Variants in CNTLN observed in about 807,000 individuals in gnomAD.
CNTLN encodes centlein, centrosomal protein.
In CNTLN, 212 loss-of-function variants were observed where a neutral mutation model predicts 180.0. The observed-to-expected ratio is 1.18, with a 90% CI of 1.05 to 1.32. The LOEUF (loss-of-function observed/expected upper bound fraction) is 1.32, where lower values mean the gene tolerates loss of function less well. CNTLN is among the 40% of genes most tolerant of loss of function. The probability of loss-of-function intolerance (pLI) is 0.00; values close to 1 mark genes in which losing one functional copy is unlikely to be tolerated. For missense variants in CNTLN, 2,095 were observed against 1,610.9 expected (o/e 1.30, Z -5.14); for synonymous variants, 722 against 563.1 (o/e 1.28, Z -3.99).
intron 2 of CNTLN, among the ~76,000 whole-genome samples, chr9:17,209,436 T>G (rs1250339122): frequency 6.6e-6 from 1 of 152,200 alleles, no homozygotes; most frequent in Non-Finnish European, 1.5e-5. Context: ...ATTAGATCTA[T>G]TTGTTCTGCA....
intron 2 of CNTLN, among the ~76,000 whole-genome samples, chr9:17,159,994 T>C (rs917485507): frequency 5.9e-5 from 9 of 152,164 alleles, no homozygotes; most frequent in African/African-American, 2.2e-4. Flanking sequence ...TAATTTGTTA[T>C]ACTTCAATAG....
chr9:17,342,226 T>C lies in CNTLN; in HGVS notation c.1767-99T>C, dbSNP rs966763261. 6 of 1,172,200 alleles carry C rather than the reference T, an allele frequency of 5.1e-6. No individual in the cohort carries two copies. The Admixed American group carries it at 9.1e-5, about 18-fold the overall frequency. The allele number at this position is 1,172,200 out of a possible 1,614,324, so 72.6% of individuals were successfully genotyped here. On this transcript the variant is annotated intron_variant, in intron 11 of 25. Coordinates refer to ENST00000380647, the MANE Select transcript of CNTLN (RefSeq NM_017738.4). ...TAAATGGTGAACTCGAGTTAGAAAT[T>C]TGGTCAATAGATATTTTTAAATTTT...
intron 18 of CNTLN, among the ~76,000 whole-genome samples, chr9:17,442,339 A>C (rs1830159842): frequency 6.6e-6 from 1 of 152,232 alleles, no homozygotes; most frequent in Non-Finnish European, 1.5e-5. Flanking sequence ...TAATGGTATG[A>C]AGCTAAAGAG....
At chr9:17,385,565 A>G (rs930777734) in intron 13 of CNTLN, among the ~76,000 whole-genome samples, 5 of 152,150 alleles carry the variant, frequency 3.3e-5, no homozygotes, top group Non-Finnish European at 7.4e-5. Flanking sequence ...TTTAGAAACT[A>G]TGTTTCAGGA....
At chr9:17,138,135 C>T (rs1302053750) in intron 1 of CNTLN, among the ~76,000 whole-genome samples, 1 of 152,130 alleles carries the variant, frequency 6.6e-6, no homozygotes, top group Non-Finnish European at 1.5e-5. Flanking sequence ...TAGAACCTAA[C>T]TCCACTACAC....
At chr9:17,318,028 C>CTT (rs869093440) in intron 8 of CNTLN, among the ~76,000 whole-genome samples, 10 of 144,096 alleles carry the variant, frequency 6.9e-5, no homozygotes, top group African/African-American at 2.3e-4. Flanking sequence ...TTTTTCTTTT[C>CTT]TTTTTTTTTT....
chr9:17,396,244 C>T (rs2133741009), intron 15 of CNTLN, among the ~76,000 whole-genome samples: 1 of 152,294 alleles, frequency 6.6e-6, no homozygotes, highest in South Asian at 2.1e-4. Context: ...TTCTTTTATT[C>T]CTTTACTTTC....
At chr9:17,194,472 G>A (rs1489150230) in intron 2 of CNTLN, among the ~76,000 whole-genome samples, 7 of 152,096 alleles carry the variant, frequency 4.6e-5, no homozygotes, top group South Asian at 2.1e-4. Context: ...GCAAAATGCC[G>A]CCAGTTTCTT....
At chr9:17,365,821 C>T (rs929117384) in intron 12 of CNTLN, among the ~76,000 whole-genome samples, 2 of 152,056 alleles carry the variant, frequency 1.3e-5, no homozygotes, top group Admixed American at 1.3e-4. Flanking sequence ...TGGCACACAC[C>T]TGTAGTCCCA....
chr9:17,429,099 A>G (rs995638886), intron 18 of CNTLN, among the ~76,000 whole-genome samples: 2 of 152,070 alleles, frequency 1.3e-5, no homozygotes, highest in Non-Finnish European at 2.9e-5. Flanking sequence ...AAATAAAAAT[A>G]CCACTTTATA....
chr9:17,149,572 C>T (rs1818709500), intron 2 of CNTLN, among the ~76,000 whole-genome samples: 2 of 138,938 alleles, frequency 1.4e-5, no homozygotes, highest in Non-Finnish European at 3.0e-5. Flanking sequence ...GGCTGGAGTG[C>T]AGTGGCTCGA....
rs139728706 is a variant in CNTLN at position 17,459,406 on chromosome 9, CT to C, written c.3306+1692del. Among the ~76,000 whole-genome samples, 1,212 of 151,898 alleles carry C rather than the reference CT, an allele frequency of 8.0e-3. 14 individuals carry two copies. The highest frequency in any genetic ancestry group is 0.028 in the African/African-American group (1,161 of 41,500). On this transcript the variant is annotated intron_variant, in intron 19 of 25. Coordinates refer to ENST00000380647, the MANE Select transcript of CNTLN (RefSeq NM_017738.4). Reference sequence around the variant, plus strand: ...TTAGTGTGAAGTGATTGTCCATAATCTAACATAGAGTCTTGGAACACTGACC... The same window carrying C: ...TTAGTGTGAAGTGATTGTCCATAATCAACATAGAGTCTTGGAACACTGACC...
At chr9:17,390,726 T>C (rs1464871357) in intron 14 of CNTLN, among the ~76,000 whole-genome samples, 2 of 152,226 alleles carry the variant, frequency 1.3e-5, no homozygotes, top group African/African-American at 4.8e-5. Flanking sequence ...TTAACAATTT[T>C]TGAGAGTATA....
chr9:17,369,818 C>T (rs1824151933), intron 13 of CNTLN, among the ~76,000 whole-genome samples: 1 of 151,612 alleles, frequency 6.6e-6, no homozygotes, highest in Non-Finnish European at 1.5e-5. Flanking sequence ...GGAACCCTGT[C>T]TCTACTAAAA....
At chr9:17,255,030 T>C (rs1486774327) in intron 5 of CNTLN, among the ~76,000 whole-genome samples, 1 of 151,814 alleles carries the variant, frequency 6.6e-6, no homozygotes, top group Non-Finnish European at 1.5e-5. Context: ...CTAGTATTTT[T>C]TTCAGTTGTA....
At chr9:17,174,575 A>G (rs915193177) in intron 2 of CNTLN, among the ~76,000 whole-genome samples, 1 of 152,136 alleles carries the variant, frequency 6.6e-6, no homozygotes, top group African/African-American at 2.4e-5. Context: ...GGGTGCCTGT[A>G]GTCCCAGCTA....
chr9:17,209,967 A>C (rs1019914072), intron 2 of CNTLN, among the ~76,000 whole-genome samples: 2 of 152,248 alleles, frequency 1.3e-5, no homozygotes, highest in African/African-American at 4.8e-5. Flanking sequence ...AATATTTAAC[A>C]GTTTTAAAGA....
chr9:17,434,095 T>C (rs1829608126), intron 18 of CNTLN, among the ~76,000 whole-genome samples: 1 of 152,192 alleles, frequency 6.6e-6, no homozygotes, highest in South Asian at 2.1e-4. Context: ...TCTGTAGTGA[T>C]AGTCCTTGTT....
At chr9:17,313,548 C>G (rs1819349259) in intron 8 of CNTLN, among the ~76,000 whole-genome samples, 1 of 151,904 alleles carries the variant, frequency 6.6e-6, no homozygotes, top group Non-Finnish European at 1.5e-5. Flanking sequence ...CCTTTTTTCC[C>G]CAAGATTTTA....
Sources: gnomAD v4.1 joint callset for allele counts (sites outside exome capture counted in the v4.1 genomes callset) on GRCh38, gnomAD v4.1.1 for gene constraint, MANE v1.5 for transcripts, NCBI Gene and HGNC (gene_info 2026-07-23, HGNC 2026-07-21) for gene names.